Variants in HERC3 observed in about 807,000 individuals in gnomAD.
HERC3 encodes the protein HECT and RLD domain containing E3 ubiquitin protein ligase 3.
In HERC3, 58 loss-of-function variants were observed where a neutral mutation model predicts 129.9. The observed-to-expected ratio is 0.45, with a 90% CI of 0.36 to 0.56. HERC3 has a LOEUF of 0.56. HERC3 is among the 20% of genes least tolerant of loss of function. The pLI is 0.00. For missense variants in HERC3, 835 were observed against 1,244.2 expected (o/e 0.67, Z 4.95); for synonymous variants, 430 against 451.0 (o/e 0.95, Z 0.59).
chr4:88,681,093 G>A (rs2298736), intron 20 of HERC3, 66 bp from the exon 21 acceptor site: 24,964 of 1,485,272 alleles, frequency 0.017, 301 homozygotes, highest in Admixed American at 0.044. Flanking sequence ...TGAGGGAAAT[G>A]GTAGAATGTT....
At chr4:88,535,184 T>A in the HERC3 span, among the ~76,000 whole-genome samples, 1 of 152,242 alleles carries the variant, frequency 6.6e-6, no homozygotes, top group Non-Finnish European at 1.5e-5. Context: ...CTGCTTTTCC[T>A]AGTTTTCTAA....
At position 88,668,069 on chromosome 4, in the gene HERC3, A is replaced by G. The variant is rs1731229099; in HGVS notation, c.1621A>G (p.Ser541Gly). 6.2e-7 allele frequency: 1 copy of G among 1,613,258 alleles called. No homozygotes were observed. Among genetic ancestry groups the G allele is most frequent in the Non-Finnish European group, 8.5e-7 (1 of 1,179,394 alleles). Residue 541 changes from serine (S) to glycine (G), a missense_variant, in exon 14 of 26, where the codon AGC becomes GGC. Transcript: ENST00000402738. Reference protein sequence around the residue: ...MAILRLDTNPSKVLDNWWSQV... With the variant: ...MAILRLDTNPGKVLDNWWSQV... ...CATTCTTCGGCTGGATACAAACCCC[A>G]GCAAAGTACTAGGTGAATTTGCTAA...
chr4:88,525,644 A>C, the HERC3 span, among the ~76,000 whole-genome samples: 2 of 152,240 alleles, frequency 1.3e-5, no homozygotes, highest in Admixed American at 1.3e-4. Context: ...GAGTAACAGC[A>C]AAGTATTGAA....
intron 3 of HERC3, among the ~76,000 whole-genome samples, chr4:88,637,542 C>CA (rs1394948331): frequency 6.6e-6 from 1 of 152,076 alleles, no homozygotes; most frequent in African/African-American, 2.4e-5. Flanking sequence ...TATTTGAAAC[C>CA]AATGAGAACA....
At chr4:88,675,812 G>A (rs568754638) in intron 16 of HERC3, among the ~76,000 whole-genome samples, 1 of 152,082 alleles carries the variant, frequency 6.6e-6, no homozygotes, top group East Asian at 1.9e-4. Flanking sequence ...GTATGTGTGT[G>A]TGTGTGTAGG....
chr4:88,627,839 G>A (rs1254671895), intron 3 of HERC3, among the ~76,000 whole-genome samples: 1 of 150,242 alleles, frequency 6.7e-6, no homozygotes, highest in African/African-American at 2.5e-5. Context: ...GGGAGGCAGA[G>A]GTTGCAGTGA....
chr4:88,582,977 T>C, the HERC3 span, among the ~76,000 whole-genome samples: 1 of 152,234 alleles, frequency 6.6e-6, no homozygotes, highest in African/African-American at 2.4e-5. Flanking sequence ...CTTGTGCACA[T>C]GTACACATTA....
chr4:88,644,074 A>G (rs1337010791), intron 3 of HERC3, among the ~76,000 whole-genome samples: 3 of 152,194 alleles, frequency 2.0e-5, no homozygotes, highest in African/African-American at 7.2e-5. Context: ...TTAAAACCGT[A>G]ATGAAATACC....
At chr4:88,545,824 T>TA in the HERC3 span, among the ~76,000 whole-genome samples, 2 of 151,918 alleles carry the variant, frequency 1.3e-5, no homozygotes, top group African/African-American at 2.4e-5. Context: ...AATCTGAACT[T>TA]AAAAAAAATT....
the HERC3 span, among the ~76,000 whole-genome samples, chr4:88,584,973 C>T: frequency 9.2e-5 from 14 of 152,200 alleles, no homozygotes; most frequent in Non-Finnish European, 1.8e-4. Context: ...CATACATAGA[C>T]TAGATAGCTT....
chr4:88,586,550 G>T, the HERC3 span, among the ~76,000 whole-genome samples: 4 of 152,054 alleles, frequency 2.6e-5, no homozygotes, highest in Admixed American at 2.6e-4. Context: ...TAGAGATGGG[G>T]TTTCTGCCAT....
the HERC3 span, among the ~76,000 whole-genome samples, chr4:88,554,212 G>A: frequency 1.3e-5 from 2 of 152,040 alleles, no homozygotes; most frequent in African/African-American, 2.4e-5. Flanking sequence ...TGGGTGTCGT[G>A]GCATGCGCCA....
chr4:88,687,180 A>C (rs1305932273), intron 22 of HERC3, 37 bp from the exon 23 acceptor site: 8 of 1,517,690 alleles, frequency 5.3e-6, no homozygotes, highest in Non-Finnish European at 6.4e-6. Context: ...AATGGTTAAC[A>C]AAATTGAAAT....
At chr4:88,661,971 G>C (rs1405642378) in intron 10 of HERC3, among the ~76,000 whole-genome samples, 2 of 152,192 alleles carry the variant, frequency 1.3e-5, no homozygotes, top group African/African-American at 4.8e-5. Context: ...TACTGAGTTG[G>C]TTTCTCTGGG....
chr4:88,526,941 G>A, the HERC3 span, among the ~76,000 whole-genome samples: 3 of 152,076 alleles, frequency 2.0e-5, no homozygotes, highest in Non-Finnish European at 2.9e-5. Context: ...TATTTGAAAA[G>A]AAAAATTCGC....
At chr4:88,670,589 T>C (rs1333767382) in intron 16 of HERC3, among the ~76,000 whole-genome samples, 1 of 152,110 alleles carries the variant, frequency 6.6e-6, no homozygotes, top group Non-Finnish European at 1.5e-5. Flanking sequence ...ATTTAATGAG[T>C]ATAGCTTCAG....
the HERC3 span, among the ~76,000 whole-genome samples, chr4:88,560,575 A>C: frequency 6.6e-5 from 10 of 152,166 alleles, no homozygotes; most frequent in African/African-American, 2.4e-4. Flanking sequence ...GCTGTGCAGA[A>C]ACTTTTTAGT....
chr4:88,606,394 G>C (rs1044628961), intron 3 of HERC3, among the ~76,000 whole-genome samples: 1 of 151,962 alleles, frequency 6.6e-6, no homozygotes, highest in African/African-American at 2.4e-5. Flanking sequence ...TGGGATTACA[G>C]ACATGCGCCA....
the HERC3 span, among the ~76,000 whole-genome samples, chr4:88,578,858 T>C: frequency 6.6e-6 from 1 of 152,170 alleles, no homozygotes; most frequent in African/African-American, 2.4e-5. Context: ...GGAGACAGGA[T>C]CTAGACCCAG....
Sources: gnomAD v4.1 joint callset for allele counts (sites outside exome capture counted in the v4.1 genomes callset) on GRCh38, gnomAD v4.1.1 for gene constraint, MANE v1.5 for transcripts, NCBI Gene and HGNC (gene_info 2026-07-23, HGNC 2026-07-21) for gene names.